The following RBFOX3 variants were observed in gnomAD, a reference collection of about 807,000 sequenced individuals.
RBFOX3 encodes RNA binding protein fox-1 homolog 3.
A neutral mutation model predicts 48.7 loss-of-function variants in RBFOX3; 17 were observed. The ratio of observed to expected loss-of-function variants is 0.35; its 90% CI spans 0.24 to 0.52. The LOEUF (loss-of-function observed/expected upper bound fraction) is 0.52. RBFOX3 is among the 20% of genes least tolerant of loss of function. The probability of loss-of-function intolerance (pLI) is 0.94; values close to 1 mark genes in which losing one functional copy is unlikely to be tolerated. For synonymous variants in RBFOX3, 212 were observed against 209.5 expected (o/e 1.01, Z -0.10); for missense variants, 382 against 497.5 (o/e 0.77, Z 2.21).
chr17:79,448,661 G>C (rs1173993970), intron 2 of RBFOX3, among the ~76,000 whole-genome samples: 3 of 152,180 alleles, frequency 2.0e-5, no homozygotes, highest in Non-Finnish European at 4.4e-5. Context: ...CATGTCTGCT[G>C]TTTTAGGCCC....
At chr17:79,497,590 C>G (rs1291473426) in intron 1 of RBFOX3, among the ~76,000 whole-genome samples, 5 of 152,234 alleles carry the variant, frequency 3.3e-5, no homozygotes, top group African/African-American at 1.2e-4. Context: ...CTTTCCTCAT[C>G]AGTTCTCTGG....
chr17:79,555,349 G>GATAA (rs2091564846), intron 1 of RBFOX3, among the ~76,000 whole-genome samples: 67 of 88,206 alleles, frequency 7.6e-4, no homozygotes, highest in South Asian at 4.0e-3. Flanking sequence ...GGTAGTTGTG[G>GATAA]TGGTGGTGAT....
chr17:79,173,284 T>C (rs1236637558), intron 4 of RBFOX3, among the ~76,000 whole-genome samples: 2 of 151,160 alleles, frequency 1.3e-5, no homozygotes, highest in African/African-American at 4.9e-5. Flanking sequence ...ACAAGCACTG[T>C]ATTTCCATTT....
At chr17:79,611,139 T>C (rs1453135133), upstream of RBFOX3, among the ~76,000 whole-genome samples, 3 of 25,814 alleles carry the variant, frequency 1.2e-4, no homozygotes, top group South Asian at 7.0e-3. Flanking sequence ...CTTCTCTCTC[T>C]CTCTCTCTCT....
intron 1 of RBFOX3, among the ~76,000 whole-genome samples, chr17:79,484,630 G>A (rs1167301579): frequency 6.6e-6 from 1 of 152,110 alleles, no homozygotes; most frequent in Non-Finnish European, 1.5e-5. Flanking sequence ...AGGTGGAGGT[G>A]GAAGGCAGCC....
chr17:79,486,952 C>T (rs1340821366), intron 1 of RBFOX3, among the ~76,000 whole-genome samples: 1 of 152,220 alleles, frequency 6.6e-6, no homozygotes, highest in East Asian at 1.9e-4. Flanking sequence ...CAAAAGGTCT[C>T]CTCTCAGATT....
rs1418799541 is a variant in RBFOX3 at position 79,492,003 on chromosome 17, G to C, written c.-319-9405C>G. Among the ~76,000 whole-genome samples the C allele has an allele frequency of 3.9e-5, 6 of 152,194 alleles. No homozygotes were observed. The South Asian group carries it at 8.3e-4, about 21-fold the overall frequency. ...AGGCAGGAGAATTGCATGAACCTGG[G>C]AGGTGGAAATTGCGGTGAGCCAAGA... On this transcript the variant is annotated intron_variant, in intron 1 of 14. Coordinates refer to ENST00000693108, the MANE Select transcript of RBFOX3 (RefSeq NM_001350451.2).
intron 3 of RBFOX3, among the ~76,000 whole-genome samples, chr17:79,276,574 G>A (rs550444597): frequency 6.6e-6 from 1 of 152,010 alleles, no homozygotes; most frequent in Admixed American, 6.6e-5. Flanking sequence ...AATCCCAGCT[G>A]CTCGGGAGGC....
intron 2 of RBFOX3, among the ~76,000 whole-genome samples, chr17:79,437,349 T>C (rs1168758159): frequency 6.6e-6 from 1 of 152,174 alleles, no homozygotes; most frequent in Non-Finnish European, 1.5e-5. Context: ...CACCCGCTCC[T>C]CCTGGAGCTC....
intron 2 of RBFOX3, among the ~76,000 whole-genome samples, chr17:79,387,717 G>A (rs1402439559): frequency 6.6e-6 from 1 of 152,230 alleles, no homozygotes; most frequent in Non-Finnish European, 1.5e-5. Context: ...TTCACTGGGA[G>A]CAGGAGGAAG....
chr17:79,126,255 T>C (rs143061033), intron 4 of RBFOX3, among the ~76,000 whole-genome samples: 2 of 152,190 alleles, frequency 1.3e-5, no homozygotes, highest in South Asian at 4.1e-4. Flanking sequence ...ATCCCTGTGA[T>C]GGGGACCAGA....
intron 4 of RBFOX3, among the ~76,000 whole-genome samples, chr17:79,183,089 G>A (rs1330369346): frequency 1.3e-5 from 2 of 148,262 alleles, no homozygotes; most frequent in Non-Finnish European, 1.5e-5. Flanking sequence ...GCGCTCGGCC[G>A]CCGCGCAGGG....
chr17:79,467,379 G>A (rs1190036460), intron 2 of RBFOX3, among the ~76,000 whole-genome samples: 2 of 152,154 alleles, frequency 1.3e-5, no homozygotes, highest in African/African-American at 2.4e-5. Context: ...AGGGAGAGAA[G>A]GTGGAAAAAC....
intron 2 of RBFOX3, among the ~76,000 whole-genome samples, chr17:79,415,783 T>G (rs2065253953): frequency 6.6e-6 from 1 of 152,062 alleles, no homozygotes; most frequent in Admixed American, 6.5e-5. Context: ...GCAGAGTCTG[T>G]GTGGGTCATA....
chr17:79,664,943 T>C, the RBFOX3 span, among the ~76,000 whole-genome samples: 1 of 152,230 alleles, frequency 6.6e-6, no homozygotes, highest in Non-Finnish European at 1.5e-5. Context: ...AGAATTTCCT[T>C]CCATTTTTAA....
intron 11 of RBFOX3, among the ~76,000 whole-genome samples, 197 bp downstream of exon 11, chr17:79,097,095 C>T (rs1414953096): frequency 3.3e-5 from 5 of 152,062 alleles, no homozygotes; most frequent in Admixed American, 6.5e-5. Flanking sequence ...GTGACCTCCG[C>T]GATGCCCGCC....
intron 1 of RBFOX3, among the ~76,000 whole-genome samples, chr17:79,522,813 C>T (rs1379236916): frequency 6.6e-6 from 1 of 151,424 alleles, no homozygotes; most frequent in African/African-American, 2.4e-5. Context: ...GCCTGTAATC[C>T]CAGCTACTAG....
chr17:79,504,628 T>C (rs1250280933), intron 1 of RBFOX3, among the ~76,000 whole-genome samples: 1 of 152,224 alleles, frequency 6.6e-6, no homozygotes, highest in African/African-American at 2.4e-5. Context: ...TGTGGTCACA[T>C]GGCCTTCTCT....
At chr17:79,148,400 T>A (rs1408864820) in intron 4 of RBFOX3, among the ~76,000 whole-genome samples, 1 of 152,308 alleles carries the variant, frequency 6.6e-6, no homozygotes, top group African/African-American at 2.4e-5. Flanking sequence ...TGCTGGGGCC[T>A]GGGTGACAGA....
Sources: gnomAD v4.1 joint callset for allele counts (sites outside exome capture counted in the v4.1 genomes callset) on GRCh38, gnomAD v4.1.1 for gene constraint, MANE v1.5 for transcripts, NCBI Gene and HGNC (gene_info 2026-07-23, HGNC 2026-07-21) for gene names.